The following BCKDHB variants were observed in gnomAD, a reference collection of about 807,000 sequenced individuals.
The protein encoded by BCKDHB is 2-oxoisovalerate dehydrogenase subunit beta, mitochondrial.
BCKDHB carries 41 observed loss-of-function variants against 48.5 expected under a neutral mutation model. The observed-to-expected ratio is 0.85, with a 90% CI of 0.66 to 1.10. BCKDHB has a LOEUF of 1.10. Among genes scored for constraint, BCKDHB ranks in the 50% least tolerant of loss-of-function variants. The pLI is 0.00. For synonymous variants in BCKDHB, 201 were observed against 174.8 expected, an observed-to-expected ratio of 1.15 and a Z score of -1.18; for missense variants, 496 against 494.2, an observed-to-expected ratio of 1.00 and a Z score of -0.03.
At chr6:80,127,704 C>A in intron 2 of BCKDHB, 80 bp downstream of exon 2, 2 of 1,265,248 alleles carry the variant, frequency 1.6e-6, no homozygotes, top group Non-Finnish European at 2.3e-6. Flanking sequence ...TTATGTGGAG[C>A]TCAATGGTTA....
At chr6:80,107,102 TC>T (rs1008442332) in intron 1 of BCKDHB, among the ~76,000 whole-genome samples, 26 of 151,246 alleles carry the variant, frequency 1.7e-4, no homozygotes, top group Non-Finnish European at 3.2e-4. Context: ...CAGTCCCCCC[TC>T]CCCCGCAACT....
intron 6 of BCKDHB, among the ~76,000 whole-genome samples, chr6:80,188,196 A>T (rs904983641): frequency 6.6e-6 from 1 of 152,196 alleles, no homozygotes; most frequent in African/African-American, 2.4e-5. Context: ...GGAGGCCATT[A>T]TCCATAGCAA....
intron 8 of BCKDHB, among the ~76,000 whole-genome samples, chr6:80,210,669 CAG>C (rs1392387469): frequency 6.6e-6 from 1 of 152,074 alleles, no homozygotes; most frequent in Non-Finnish European, 1.5e-5. Flanking sequence ...TTTATGGACT[CAG>C]GGAGAGAGAG....
chr6:80,361,335 C>G, the BCKDHB span, among the ~76,000 whole-genome samples: 1,278 of 152,320 alleles, frequency 8.4e-3, 14 homozygotes, highest in African/African-American at 0.029. Context: ...TACTCCTGCT[C>G]TTCCATTGGG....
intron 3 of BCKDHB, among the ~76,000 whole-genome samples, chr6:80,132,740 A>T (rs1770691579): frequency 6.6e-6 from 1 of 152,184 alleles, no homozygotes; most frequent in Admixed American, 6.5e-5. Context: ...CAGGTTGAGG[A>T]TGTTGATCAA....
At chr6:80,192,433 T>C (rs2127807896) in intron 6 of BCKDHB, among the ~76,000 whole-genome samples, 1 of 152,272 alleles carries the variant, frequency 6.6e-6, no homozygotes, top group East Asian at 1.9e-4. Context: ...TGTAGCTCCT[T>C]GCTATAGAAA....
chr6:80,181,895 T>C (rs557162531), intron 6 of BCKDHB, among the ~76,000 whole-genome samples: 3 of 152,326 alleles, frequency 2.0e-5, no homozygotes, highest in African/African-American at 7.2e-5. Context: ...CTTTTATATA[T>C]GTTTGTACTG....
chr6:80,411,899 C>G, the BCKDHB span, among the ~76,000 whole-genome samples: 27 of 152,348 alleles, frequency 1.8e-4, no homozygotes, highest in African/African-American at 6.3e-4. Flanking sequence ...AATCCCCCGA[C>G]CCCTTCAACT....
chr6:80,251,392 C>A (rs756794086), intron 8 of BCKDHB, among the ~76,000 whole-genome samples: 1 of 152,106 alleles, frequency 6.6e-6, no homozygotes, highest in Non-Finnish European at 1.5e-5. Context: ...GGTTGGAGGA[C>A]AGTATAAACT....
chr6:80,148,679 T>C (rs942297749), intron 3 of BCKDHB, among the ~76,000 whole-genome samples: 1 of 152,200 alleles, frequency 6.6e-6, no homozygotes, highest in Non-Finnish European at 1.5e-5. Flanking sequence ...CTTAAAATCT[T>C]CTCAGTGTTT....
chr6:80,129,164 T>C lies in BCKDHB; in HGVS notation c.278T>C (p.Ile93Thr). 6.2e-7 allele frequency: 1 copy of C among 1,605,882 alleles called. No individual in the cohort carries two copies. The highest frequency in any genetic ancestry group is 2.2e-5 in the East Asian group (1 of 44,790). The change falls in exon 3 of 10, where the codon ATA (isoleucine) becomes ACA (threonine). Residue 93 changes from isoleucine (I) to threonine (T), a missense_variant. Coordinates refer to ENST00000320393, the MANE Select transcript of BCKDHB (RefSeq NM_183050.4). ...TTATTTAAATACTGTTTTTCAGTAATATTTGGTGAAGATGTTGCCTTTGGT... is the reference window on the plus strand; with the variant it reads ...TTATTTAAATACTGTTTTTCAGTAACATTTGGTGAAGATGTTGCCTTTGGT... Reference protein sequence around the residue: ...NSLAKDPTAVIFGEDVAFGGV... With the variant: ...NSLAKDPTAVTFGEDVAFGGV...
chr6:80,381,855 TC>T, the BCKDHB span, among the ~76,000 whole-genome samples: 71 of 152,240 alleles, frequency 4.7e-4, no homozygotes, highest in Middle Eastern at 3.4e-3. Flanking sequence ...TGTTTGATGT[TC>T]TGAATATTCA....
the BCKDHB span, among the ~76,000 whole-genome samples, chr6:80,455,589 T>G: frequency 6.6e-6 from 1 of 151,122 alleles, no homozygotes; most frequent in Non-Finnish European, 1.5e-5. Context: ...TTCACTGTTA[T>G]TTCAGTACCC....
At chr6:80,204,892 G>A (rs1462506129) in intron 8 of BCKDHB, among the ~76,000 whole-genome samples, 1 of 152,020 alleles carries the variant, frequency 6.6e-6, no homozygotes, top group East Asian at 1.9e-4. Context: ...CTAGAATGCA[G>A]ATCCATTTTC....
At position 80,197,383 on chromosome 6, in the gene BCKDHB, TC is replaced by T. The variant is rs1774180706; in HGVS notation, c.743-3550del. Among the ~76,000 whole-genome samples, 3 of 150,574 alleles carry T rather than the reference TC, an allele frequency of 2.0e-5. No individual in the cohort carries two copies. In the East Asian group the frequency reaches 5.8e-4, roughly 29 times the overall value. On this transcript the variant is annotated intron_variant, in intron 6 of 9. Coordinates refer to ENST00000320393, the MANE Select transcript of BCKDHB (RefSeq NM_183050.4). The stretch of plus-strand genomic sequence containing the variant: ...GCAAATCTAAGAGGAGGTTTTTTTT[TC>T]TTATTGTAAGTATGGTGTTTTTAAA...
the BCKDHB span, among the ~76,000 whole-genome samples, chr6:80,430,833 G>T: frequency 6.6e-6 from 1 of 151,952 alleles, no homozygotes. Context: ...ATTCTGCTCT[G>T]ATCTTAGTTA....
At chr6:80,150,020 G>C (rs1175841437) in intron 3 of BCKDHB, among the ~76,000 whole-genome samples, 1 of 151,706 alleles carries the variant, frequency 6.6e-6, no homozygotes, top group Non-Finnish European at 1.5e-5. Flanking sequence ...TCATAGCTTA[G>C]TATAAGACTT....
chr6:80,374,513 A>G, the BCKDHB span: 7 of 735,590 alleles, frequency 9.5e-6, no homozygotes, highest in Non-Finnish European at 1.8e-5. Flanking sequence ...AAAGATTGGA[A>G]CCTCTTGATT....
At chr6:80,410,943 C>G in the BCKDHB span, among the ~76,000 whole-genome samples, 1 of 152,192 alleles carries the variant, frequency 6.6e-6, no homozygotes, top group African/African-American at 2.4e-5. Context: ...AAGCCTACTT[C>G]TGTCAACTTG....
Sources: allele counts gnomAD v4.1 joint callset (sites outside exome capture counted in the v4.1 genomes callset), GRCh38; gene constraint gnomAD v4.1.1; transcripts MANE v1.5; gene names NCBI Gene and HGNC (gene_info 2026-07-23, HGNC 2026-07-21).